COL6A3: variants seen among roughly 807,000 people sequenced by gnomAD.
The protein encoded by COL6A3 is collagen type VI alpha 3 chain.
A neutral mutation model predicts 274.1 loss-of-function variants in COL6A3; 137 were observed. The ratio of observed to expected loss-of-function variants is 0.50; its 90% confidence interval spans 0.44 to 0.58. COL6A3 has a LOEUF of 0.58. COL6A3 is among the 20% of genes least tolerant of loss of function. COL6A3 has a pLI of 0.00. For missense variants in COL6A3, 3,950 were observed against 4,124.9 expected (o/e 0.96, Z 1.16); for synonymous variants, 1,650 against 1,650.6 (o/e 1.00, Z 0.01).
At chr2:237,348,410 A>G in intron 29 of COL6A3, 26 bp from the exon 30 acceptor site, 1 of 1,564,404 alleles carries the variant, frequency 6.4e-7, no homozygotes, top group Non-Finnish European at 8.8e-7. Flanking sequence ...AGATTATTTA[A>G]TACTTGGTTC....
rs1361494925 is a variant in COL6A3 at position 237,364,480 on chromosome 2, A to G, written c.5839-52T>C. 1 of 1,391,066 alleles carries G rather than the reference A, an allele frequency of 7.2e-7. No homozygotes were observed. Among genetic ancestry groups the G allele is most frequent in the South Asian group, 1.2e-5 (1 of 86,734 alleles). The allele number at this position is 1,391,066 out of a possible 1,614,324, so 86.2% of individuals were successfully genotyped here. On this transcript the variant is annotated intron_variant, in intron 12 of 43. Coordinates refer to ENST00000295550, the MANE Select transcript of COL6A3 (RefSeq NM_004369.4). The surrounding 1 kb of genome is among the most constrained non-coding windows in gnomAD (Gnocchi z 4.6). ...CAGGAAAACTAAAAAGGAGTGTTGC[A>G]GACTGCTGATAGAAAACTGAGAGAC...
Position 237,381,232 on chromosome 2 carries a change from G to C in COL6A3, c.1580C>G (p.Ser527Cys), listed in dbSNP as rs1270601170. ...PLDGSALYTG[S>C]ALDFVRNNLF... Reference sequence around the variant, plus strand: ...GTTGTTACGAACAAAGTCTAGAGCAGAGCCCGTGTACAGGGCCGAGCCGTC... The same window carrying C: ...GTTGTTACGAACAAAGTCTAGAGCACAGCCCGTGTACAGGGCCGAGCCGTC... The change falls in exon 5 of 44, where the codon TCT becomes TGT. Residue 527 changes from serine to cysteine, a missense_variant. Ser to Cys is a moderately radical substitution (Grantham distance 112, BLOSUM62 -1). Transcript: ENST00000295550. 6.2e-7 allele frequency: 1 copy of C among 1,614,144 alleles called. No individual in the cohort carries two copies. The highest frequency in any genetic ancestry group is 1.3e-5 in the African/African-American group (1 of 74,956).
At chr2:237,346,781 G>A (rs2106327177) in intron 31 of COL6A3, among the ~76,000 whole-genome samples, 1 of 152,246 alleles carries the variant, frequency 6.6e-6, no homozygotes, top group Non-Finnish European at 1.5e-5. Flanking sequence ...AACTATAGAG[G>A]TGTTGTATAT....
At chr2:237,362,615 G>T (rs2077462151) in intron 14 of COL6A3, among the ~76,000 whole-genome samples, 2 of 152,190 alleles carry the variant, frequency 1.3e-5, no homozygotes, top group African/African-American at 2.4e-5. Flanking sequence ...AAGAAAGGAA[G>T]GTCCATTCCT....
chr2:237,325,010 G>A (rs905717750), intron 43 of COL6A3, among the ~76,000 whole-genome samples, 196 bp from the exon 44 acceptor site: 8 of 152,052 alleles, frequency 5.3e-5, no homozygotes. Context: ...GGGGCCCCGG[G>A]GCCCAGGGAT....
At chr2:237,353,841 T>C (rs930640416) in intron 24 of COL6A3, among the ~76,000 whole-genome samples, 2 of 151,980 alleles carry the variant, frequency 1.3e-5, no homozygotes, top group African/African-American at 2.4e-5. Context: ...GAAGAGGCTG[T>C]TTAAGGAGAC....
intron 30 of COL6A3, 128 bp from the exon 31 acceptor site, chr2:237,347,997 G>C (rs2077130555): frequency 5.9e-6 from 5 of 846,546 alleles, no homozygotes; most frequent in South Asian, 1.4e-5. Flanking sequence ...GGTTAGTTTT[G>C]ATTCACTTTT....
chr2:237,369,279 A>ATATC, intron 9 of COL6A3, 102 bp from the exon 10 acceptor site: 1 of 1,453,428 alleles, frequency 6.9e-7, no homozygotes, highest in East Asian at 2.4e-5. Context: ...CCTTAAGATT[A>ATATC]TATCCCAAGA....
intron 16 of COL6A3, among the ~76,000 whole-genome samples, chr2:237,360,421 G>A (rs1032604225): frequency 1.5e-4 from 23 of 152,112 alleles, no homozygotes; most frequent in African/African-American, 4.6e-4. Flanking sequence ...TGGGGCAAGG[G>A]TGGGTGGCCC....
At chr2:237,387,144 C>T (rs761492310) in intron 4 of COL6A3, among the ~76,000 whole-genome samples, 2 of 152,198 alleles carry the variant, frequency 1.3e-5, no homozygotes, top group African/African-American at 2.4e-5. Flanking sequence ...TCCATCTTTG[C>T]TTTTGGAAAG....
At position 237,414,095 on chromosome 2, in the gene COL6A3, G is replaced by A. The variant is rs2078919950; in HGVS notation, c.-173C>T. 6.6e-6 allele frequency: 1 copy of A among 152,228 alleles called. No individual in the cohort carries two copies. 9.4% of individuals were successfully genotyped at this position (152,228 alleles called of 1,614,324 possible). A position where few individuals can be genotyped will look rare whatever the true frequency, so the allele number is the denominator to read the frequency against. Reference sequence around the variant, plus strand: ...AAAAAAGTGGAGACTCAGAGCTGCGGAGGAAAACTCTTGCAGTCCTTGCAG... The same window carrying A: ...AAAAAAGTGGAGACTCAGAGCTGCGAAGGAAAACTCTTGCAGTCCTTGCAG... On this transcript the variant is annotated 5_prime_UTR_variant, in exon 1 of 44. Coordinates refer to ENST00000295550, the MANE Select transcript of COL6A3 (RefSeq NM_004369.4).
At chr2:237,353,816 T>G (rs2077258196) in intron 24 of COL6A3, among the ~76,000 whole-genome samples, 1 of 151,902 alleles carries the variant, frequency 6.6e-6, no homozygotes, top group Non-Finnish European at 1.5e-5. Context: ...GGCACCATTT[T>G]CTCTAGACTC....
At position 237,368,784 on chromosome 2, in the gene COL6A3, G is replaced by T. The variant is rs1045952953; in HGVS notation, c.4679C>A (p.Ala1560Asp). ...GKSQDDVSRF[A>D]QVIRSSGIVS... ...AATGCCCGAGGAACGGATCACCTGG[G>T]CGAACCTGGACACATCGTCCTGGGA... Residue 1560 changes from alanine (A) to aspartate (D), a missense_variant, in exon 10 of 44, where the codon GCC (alanine) becomes GAC (aspartate). Ala to Asp is a moderately radical substitution (Grantham distance 126, BLOSUM62 -2). Transcript: ENST00000295550. The surrounding 1 kb of genome is among the most constrained non-coding windows in gnomAD (Gnocchi z 4.4). 6.2e-7 allele frequency: 1 copy of T among 1,614,230 alleles called. No homozygotes were observed.
In COL6A3 at chr2:237,378,782, G is replaced by A; in HGVS notation, c.2351C>T (p.Ala784Val). The change falls in exon 6 of 44, where the codon GCA becomes GTA. Residue 784 changes from alanine (A) to valine (V), a missense_variant. This residue lies in a region of COL6A3 where 1,934 missense variants were observed against 1,984.3 expected (regional missense o/e 0.97). Transcript: ENST00000295550. ...GTTAAAAGCAATCTGCTCAAGCTCTGCCTTATTCGCCTGGCTAGCTCCCAC... is the reference window on the plus strand; with the variant it reads ...GTTAAAAGCAATCTGCTCAAGCTCTACCTTATTCGCCTGGCTAGCTCCCAC... Reference protein sequence around the residue: ...FCVGASQANKAELEQIAFNPS... With the variant: ...FCVGASQANKVELEQIAFNPS... The A allele has an allele frequency of 1.9e-6, 3 of 1,614,248 alleles. No individual in the cohort carries two copies. The highest frequency in any genetic ancestry group is 2.5e-6 in the Non-Finnish European group (3 of 1,180,050).
intron 41 of COL6A3, 130 bp from the exon 42 acceptor site, chr2:237,333,678 C>G: frequency 1.3e-6 from 1 of 789,414 alleles, no homozygotes; most frequent in Admixed American, 2.1e-5. Flanking sequence ...TTGAAAGACA[C>G]AGATCCAAGA....
chr2:237,353,969 A>C (rs1341043565), intron 24 of COL6A3, among the ~76,000 whole-genome samples: 2 of 152,076 alleles, frequency 1.3e-5, no homozygotes, highest in Non-Finnish European at 2.9e-5. Flanking sequence ...CATCAGACAG[A>C]GCTGCCTCCC....
rs2077197865 is a variant in COL6A3 at position 237,351,146 on chromosome 2, C to G, written c.6800G>C (p.Gly2267Ala). 1 of 1,614,112 alleles carries G rather than the reference C, an allele frequency of 6.2e-7. No homozygotes were observed. ...AAGACAAACCTTTCTTCCCAGTGGA[C>G]CGGTTCTGCCTCGTTCTCCAGGAGC... is the stretch of plus-strand genomic sequence containing the variant. ...AGAPGERGRT[G>A]PLGRKGEPGE... Residue 2267 changes from glycine to alanine, a missense_variant, in exon 27 of 44, where the codon GGT becomes GCT. Transcript: ENST00000295550.
rs1027388958 is a variant in COL6A3 at position 237,338,826 on chromosome 2, G to A, written c.8567+189C>T. On this transcript the variant is annotated intron_variant, in intron 39 of 43. Coordinates refer to ENST00000295550, the MANE Select transcript of COL6A3 (RefSeq NM_004369.4). ...TGTTGTTTTAAGCCACTAAGTTTTG[G>A]GTAGCTTGTTACATGGCAAAAGCTA... is the stretch of plus-strand genomic sequence containing the variant. The A allele has an allele frequency of 6.9e-6, 4 of 579,178 alleles. No individual in the cohort carries two copies. The East Asian group carries it at 1.2e-4, about 17-fold the overall frequency. The allele number at this position is 579,178 out of a possible 1,614,324, so 35.9% of individuals were successfully genotyped here. A position where few individuals can be genotyped will look rare whatever the true frequency, so the allele number is the denominator to read the frequency against.
rs1003815793 is a variant in COL6A3, at chr2:237,371,521, C to T, written c.4285+211G>A. 9.0e-7 allele frequency: 1 copy of T among 1,116,306 alleles called. No individual in the cohort carries two copies. The highest frequency in any genetic ancestry group is 1.2e-6 in the Non-Finnish European group (1 of 839,462). 69.2% of individuals were successfully genotyped at this position (1,116,306 alleles called of 1,614,324 possible). The stretch of plus-strand genomic sequence containing the variant: ...GCTGAAGTGGGAGGTTGGCTGGATC[C>T]CAGAAGGCAGAGGTTAAAATGAGTT... On this transcript the variant is annotated intron_variant, in intron 9 of 43. Transcript: ENST00000295550. This position sits in a 1 kb window ranked among gnomAD's most constrained non-coding sequence, Gnocchi z 4.3.
Sources: allele counts gnomAD v4.1 joint callset (sites outside exome capture counted in the v4.1 genomes callset), GRCh38; gene constraint gnomAD v4.1.1; regional missense constraint gnomAD v4.1.1; non-coding constraint Gnocchi (gnomAD v3.1); transcripts MANE v1.5; gene names NCBI Gene and HGNC (gene_info 2026-07-23, HGNC 2026-07-21).